NUP42: variants seen among roughly 807,000 people sequenced by gnomAD.
NUP42 encodes the protein nucleoporin NUP42.
Under a neutral mutation model 35.9 loss-of-function variants are expected in NUP42, and 47 were observed. The observed-to-expected ratio is 1.31, with a 90% CI of 1.04 to 1.67. The LOEUF (loss-of-function observed/expected upper bound fraction) is 1.67, where lower values mean the gene tolerates loss of function less well. Among genes scored for constraint, NUP42 ranks in the 40% most tolerant of loss-of-function variants. NUP42 has a pLI of 0.00. For missense variants in NUP42, 514 were observed against 492.2 expected, an observed-to-expected ratio of 1.04 and a Z score of -0.42; for synonymous variants, 173 against 173.3, an observed-to-expected ratio of 1.00 and a Z score of 0.01.
intron 3 of NUP42, chr7:23,188,577 G>A (rs1309623562): frequency 2.1e-6 from 2 of 972,164 alleles, no homozygotes; most frequent in Admixed American, 1.2e-4. Flanking sequence ...GGGACATCCG[G>A]TTAAATTTAA....
intron 2 of NUP42, 46 bp from the exon 3 acceptor site, chr7:23,187,006 C>G: frequency 7.9e-7 from 1 of 1,259,550 alleles, no homozygotes; most frequent in Non-Finnish European, 1.1e-6. Context: ...TTTTACCAAG[C>G]AGCTAAGAAG....
intron 3 of NUP42, among the ~76,000 whole-genome samples, chr7:23,193,284 G>A (rs976971495): frequency 1.6e-4 from 25 of 152,166 alleles, no homozygotes; most frequent in Non-Finnish European, 3.4e-4. Context: ...CTGCTGGCTG[G>A]GGCAGCCTGC....
At chr7:23,196,036 CTAT>C in intron 4 of NUP42, 121 bp downstream of exon 4, 1 of 434,818 alleles carries the variant, frequency 2.3e-6, no homozygotes, top group Non-Finnish European at 4.0e-6. Flanking sequence ...CAGGAGTAGG[CTAT>C]TTTTCTTTTC....
rs542062625 is a variant in NUP42 at position 23,192,789 on chromosome 7, G to A, written c.446-3050G>A. Reference sequence around the variant, plus strand: ...TGTGTGTACAGTTGACCTTTGAACAGAACTGCAAGGGTCCACTTGTACAGG... The same window carrying A: ...TGTGTGTACAGTTGACCTTTGAACAAAACTGCAAGGGTCCACTTGTACAGG... On this transcript the variant is annotated intron_variant, in intron 3 of 6. Transcript: ENST00000258742. Among the ~76,000 whole-genome samples the A allele has an allele frequency of 8.5e-5, 13 of 152,188 alleles. No individual in the cohort carries two copies. The South Asian group carries it at 2.7e-3, about 32-fold the overall frequency.
chr7:23,193,302 C>G (rs1419503158), intron 3 of NUP42, among the ~76,000 whole-genome samples: 2 of 152,168 alleles, frequency 1.3e-5, no homozygotes, highest in Non-Finnish European at 2.9e-5. Flanking sequence ...TGCTTTTATT[C>G]TCTTATCTGG....
At chr7:23,185,000 T>C (rs1398793616) in intron 1 of NUP42, 70 bp from the exon 2 acceptor site, 34 of 1,287,672 alleles carry the variant, frequency 2.6e-5, no homozygotes, top group Non-Finnish European at 3.5e-5. Flanking sequence ...AGTGAGACCC[T>C]ATCTCAATTA....
intron 5 of NUP42, chr7:23,197,211 G>C (rs750077646): frequency 7.7e-7 from 1 of 1,301,824 alleles, no homozygotes; most frequent in Admixed American, 2.3e-5. Context: ...TGTCTCCAAA[G>C]ATCTATGGTC....
intron 3 of NUP42, among the ~76,000 whole-genome samples, chr7:23,193,508 T>C (rs922846030): frequency 6.6e-6 from 1 of 152,074 alleles, no homozygotes; most frequent in South Asian, 2.1e-4. Context: ...ACAGTGTTGA[T>C]TGGTGTATTT....
intron 2 of NUP42, among the ~76,000 whole-genome samples, chr7:23,186,321 T>C (rs1785594706): frequency 1.3e-5 from 2 of 151,530 alleles, no homozygotes; most frequent in African/African-American, 2.4e-5. Flanking sequence ...ATACAACCGA[T>C]TTTTTTTTAA....
At chr7:23,188,072 C>T in intron 3 of NUP42, 10 of 1,443,270 alleles carry the variant, frequency 6.9e-6, no homozygotes, top group South Asian at 1.6e-5. Context: ...GACCACCGGG[C>T]TTTCCCAAGC....
At chr7:23,199,283 C>G (rs1562611820) in intron 5 of NUP42, 175 bp from the exon 6 acceptor site, 1 of 562,012 alleles carries the variant, frequency 1.8e-6, no homozygotes, top group Non-Finnish European at 3.2e-6. Flanking sequence ...GACTCATAGG[C>G]TCAAGCCCTT....
At chr7:23,196,833 C>A in intron 5 of NUP42, 67 bp downstream of exon 5, 1 of 1,171,806 alleles carries the variant, frequency 8.5e-7, no homozygotes, top group Non-Finnish European at 1.2e-6. Flanking sequence ...GGATATTTTA[C>A]TTTAGATTTG....
chr7:23,184,594 A>G lies in NUP42; in HGVS notation c.122-476A>G, dbSNP rs116509944. On this transcript the variant is annotated intron_variant, in intron 1 of 6. Coordinates refer to ENST00000258742, the MANE Select transcript of NUP42 (RefSeq NM_007342.3). Reference sequence around the variant, plus strand: ...GATTTGTTGATATTACAACCTAACTACTGTATATAAATAAAAAATGAAGAG... The same window carrying G: ...GATTTGTTGATATTACAACCTAACTGCTGTATATAAATAAAAAATGAAGAG... 7.0e-3 allele frequency among the ~76,000 whole-genome samples: 1,065 copies of G among 152,324 alleles called. 14 individuals are homozygous for G. The highest frequency in any genetic ancestry group is 0.024 in the African/African-American group (1,011 of 41,570).
At chr7:23,186,240 GTAA>G (rs1182755277) in intron 2 of NUP42, among the ~76,000 whole-genome samples, 4 of 152,206 alleles carry the variant, frequency 2.6e-5, no homozygotes, top group African/African-American at 7.2e-5. Flanking sequence ...GAATTTAAAT[GTAA>G]TTGGTTAGTC....
Position 23,200,588 on chromosome 7 carries a change from C to A in NUP42, c.1115C>A (p.Ser372Tyr), listed in dbSNP as rs761652718. The A allele has an allele frequency of 1.2e-6, 2 of 1,614,162 alleles. No homozygotes were observed. The highest frequency in any genetic ancestry group is 8.5e-7 in the Non-Finnish European group (1 of 1,180,024). Residue 372 changes from serine to tyrosine, a missense_variant, in exon 7 of 7, where the codon TCT (serine) becomes TAT (tyrosine). By Grantham distance (144) the Ser-to-Tyr change is moderately radical. Transcript: ENST00000258742. ...TTTGGAAATAGCAGCATATCCACTT[C>A]TCTGTCAGCCTCAAGCAGCATCATT... Reference protein sequence around the residue: ...DTFGNSSISTSLSASSSIIAT... With the variant: ...DTFGNSSISTYLSASSSIIAT...
intron 3 of NUP42, among the ~76,000 whole-genome samples, chr7:23,193,507 A>C (rs1375515190): frequency 6.6e-6 from 1 of 151,920 alleles, no homozygotes; most frequent in Non-Finnish European, 1.5e-5. Context: ...TACAGTGTTG[A>C]TTGGTGTATT....
intron 3 of NUP42, chr7:23,194,365 GT>G: frequency 2.5e-5 from 4 of 157,014 alleles, no homozygotes; most frequent in Non-Finnish European, 5.6e-5. Flanking sequence ...GTTTTGTTTT[GT>G]TTTTTTGAGA....
At chr7:23,186,790 T>C (rs1464788278) in intron 2 of NUP42, among the ~76,000 whole-genome samples, 4 of 152,206 alleles carry the variant, frequency 2.6e-5, no homozygotes, top group East Asian at 1.9e-4. Flanking sequence ...TCATAACCAA[T>C]GTTATGTATT....
rs993382949 is a variant in NUP42, at chr7:23,195,712, A to C, written c.446-127A>C. On this transcript the variant is annotated intron_variant, in intron 3 of 6. Transcript: ENST00000258742. ...AACATTAAGTAGAGTGTAGGCTTTAAGTTTCTTCCTCATGGTTATGAAAAT... is the reference window on the plus strand; with the variant it reads ...AACATTAAGTAGAGTGTAGGCTTTACGTTTCTTCCTCATGGTTATGAAAAT... The C allele has an allele frequency of 8.0e-6, 5 of 621,912 alleles. No homozygotes were observed. In the African/African-American group the frequency reaches 9.6e-5, roughly 12 times the overall value. The allele number at this position is 621,912 out of a possible 1,614,324, so 38.5% of individuals were successfully genotyped here.
Sources: allele counts gnomAD v4.1 joint callset (sites outside exome capture counted in the v4.1 genomes callset), GRCh38; gene constraint gnomAD v4.1.1; transcripts MANE v1.5; gene names NCBI Gene and HGNC (gene_info 2026-07-23, HGNC 2026-07-21).